ZBTB46: variants seen among roughly 807,000 people sequenced by gnomAD.
The protein encoded by ZBTB46 is zinc finger and BTB domain containing 46.
In ZBTB46, 8 loss-of-function variants were observed where a neutral mutation model predicts 44.1. That is an observed-to-expected ratio of 0.18 (90% CI 0.11 to 0.33). ZBTB46 has a LOEUF of 0.33. Among genes scored for constraint, ZBTB46 ranks in the 10% least tolerant of loss-of-function variants. The pLI is 1.00. For missense variants in ZBTB46, 651 were observed against 847.7 expected, an observed-to-expected ratio of 0.77 and a Z score of 2.88; for synonymous variants, 409 against 382.3, an observed-to-expected ratio of 1.07 and a Z score of -0.81.
chr20:63,776,049 AC>A, intron 2 of ZBTB46, 87 bp from the exon 3 acceptor site: 1 of 1,444,608 alleles, frequency 6.9e-7, no homozygotes, highest in African/African-American at 1.4e-5. Context: ...AAGGACAGCG[AC>A]CAGCTTCTGC....
At chr20:63,776,575 G>A (rs1218836251) in intron 2 of ZBTB46, among the ~76,000 whole-genome samples, 6 of 152,272 alleles carry the variant, frequency 3.9e-5, no homozygotes, top group East Asian at 1.9e-4. Flanking sequence ...AGGCCGAGGC[G>A]GGCGGATCAT....
chr20:63,832,170 C>T (rs533522491), upstream of ZBTB46, among the ~76,000 whole-genome samples: 1 of 152,300 alleles, frequency 6.6e-6, no homozygotes, highest in Non-Finnish European at 1.5e-5. This position sits in a 1 kb window ranked among gnomAD's most constrained non-coding sequence, Gnocchi z 5.0. Flanking sequence ...TCCGAACGGC[C>T]TGGGACGCGT....
intron 3 of ZBTB46, among the ~76,000 whole-genome samples, chr20:63,773,709 G>C (rs2092395821): frequency 6.6e-6 from 1 of 151,958 alleles, no homozygotes; most frequent in South Asian, 2.1e-4. Flanking sequence ...GGAGGGTAGT[G>C]AGGGAGGCCC....
chr20:63,801,499 A>C (rs1255891942), intron 1 of ZBTB46, among the ~76,000 whole-genome samples: 1 of 152,216 alleles, frequency 6.6e-6, no homozygotes, highest in Non-Finnish European at 1.5e-5. Flanking sequence ...GGCTGCCCCA[A>C]CCAGCAGTGG....
intron 3 of ZBTB46, among the ~76,000 whole-genome samples, chr20:63,753,561 C>T (rs994037881): frequency 6.6e-6 from 1 of 152,224 alleles, no homozygotes; most frequent in Non-Finnish European, 1.5e-5. Flanking sequence ...GCCCAGATAC[C>T]AGCACGTCAG....
At chr20:63,808,393 G>T (rs951780373) in intron 1 of ZBTB46, among the ~76,000 whole-genome samples, 1 of 152,208 alleles carries the variant, frequency 6.6e-6, no homozygotes, top group Non-Finnish European at 1.5e-5. Flanking sequence ...CGGGGCTTCA[G>T]GGGGGCGTGG....
Position 63,799,982 on chromosome 20 carries a change from C to T in ZBTB46, c.-33-9192G>A, listed in dbSNP as rs182790893. On this transcript the variant is annotated intron_variant, in intron 1 of 4. Transcript: ENST00000245663. ...AACCACCTGTCCAGACAGACTCATG[C>T]GTGAACGTTCACACCAGCTTCGCTC... 5.9e-5 allele frequency among the ~76,000 whole-genome samples: 9 copies of T among 152,174 alleles called. No individual in the cohort carries two copies. The South Asian group carries it at 6.2e-4, about 11-fold the overall frequency.
intron 2 of ZBTB46, among the ~76,000 whole-genome samples, chr20:63,780,015 G>A (rs1249333784): frequency 6.6e-6 from 1 of 152,102 alleles, no homozygotes; most frequent in African/African-American, 2.4e-5. Flanking sequence ...TCTCATGCCT[G>A]TAATCCCAGC....
intron 2 of ZBTB46, among the ~76,000 whole-genome samples, chr20:63,780,762 A>G (rs971760430): frequency 6.6e-6 from 1 of 151,162 alleles, no homozygotes; most frequent in Non-Finnish European, 1.5e-5. Flanking sequence ...AGATTGCACC[A>G]CTGCACTCCA....
At chr20:63,820,673 C>G (rs919194902) in intron 1 of ZBTB46, among the ~76,000 whole-genome samples, 2 of 151,956 alleles carry the variant, frequency 1.3e-5, no homozygotes, top group African/African-American at 4.8e-5. Flanking sequence ...CTCAGGTGAT[C>G]CGCCCACCTG....
upstream of ZBTB46, among the ~76,000 whole-genome samples, chr20:63,833,597 G>GA (rs963871494): frequency 8.6e-5 from 13 of 150,886 alleles, no homozygotes; most frequent in South Asian, 2.1e-4. Flanking sequence ...TCTCAAAAAA[G>GA]AAAAAAAAAG....
At chr20:63,765,105 T>TTG (rs1320451168) in intron 3 of ZBTB46, among the ~76,000 whole-genome samples, 30 of 150,486 alleles carry the variant, frequency 2.0e-4, no homozygotes, top group South Asian at 1.3e-3. Flanking sequence ...GTATGTGTGG[T>TTG]TGTGTGTGTG....
At chr20:63,793,611 A>G (rs2092577809) in intron 1 of ZBTB46, among the ~76,000 whole-genome samples, 1 of 112,816 alleles carries the variant, frequency 8.9e-6, no homozygotes, top group Admixed American at 8.3e-5. Flanking sequence ...CAGAGCCTGT[A>G]AGAATTAAGG....
intron 4 of ZBTB46, among the ~76,000 whole-genome samples, chr20:63,751,209 C>T (rs551564623): frequency 2.6e-4 from 39 of 151,070 alleles, no homozygotes; most frequent in Admixed American, 2.6e-4. Context: ...TCCTCCGCTA[C>T]GGAAAACAAG....
At chr20:63,792,418 G>C (rs1283595825) in intron 1 of ZBTB46, among the ~76,000 whole-genome samples, 1 of 121,064 alleles carries the variant, frequency 8.3e-6, no homozygotes, top group Non-Finnish European at 1.7e-5. Context: ...CAGCCCTCAT[G>C]GGGGACGGGG....
At chr20:63,807,640 C>T (rs6011131) in intron 1 of ZBTB46, among the ~76,000 whole-genome samples, 27,190 of 152,200 alleles carry the variant, frequency 0.18, 2,953 homozygotes, top group East Asian at 0.45. Flanking sequence ...CCACCGCGCC[C>T]GGCCTTCAGC....
intron 1 of ZBTB46, 149 bp from the exon 2 acceptor site, chr20:63,790,939 G>A: frequency 8.6e-7 from 1 of 1,156,870 alleles, no homozygotes; most frequent in Non-Finnish European, 1.2e-6. Context: ...GTGTGCAGCG[G>A]GAGGCCTGTG....
At chr20:63,800,220 G>T in intron 1 of ZBTB46, among the ~76,000 whole-genome samples, 1 of 152,224 alleles carries the variant, frequency 6.6e-6, no homozygotes, top group East Asian at 1.9e-4. Flanking sequence ...TTATCCCACA[G>T]TTACGCTGAG....
chr20:63,762,795 C>CT (rs912326814), intron 3 of ZBTB46, among the ~76,000 whole-genome samples: 3 of 152,138 alleles, frequency 2.0e-5, no homozygotes, highest in Admixed American at 1.3e-4. Flanking sequence ...TCAAAGTTTA[C>CT]TTTGATATTA....
Sources: allele counts gnomAD v4.1 joint callset (sites outside exome capture counted in the v4.1 genomes callset), GRCh38; gene constraint gnomAD v4.1.1; non-coding constraint Gnocchi (gnomAD v3.1); transcripts MANE v1.5; gene names NCBI Gene and HGNC (gene_info 2026-07-23, HGNC 2026-07-21).